The following KLHL22 variants were observed in gnomAD, a reference collection of about 807,000 sequenced individuals.
KLHL22 encodes kelch-like protein 22.
KLHL22 carries 18 observed loss-of-function variants against 60.7 expected under a neutral mutation model. That is an observed-to-expected ratio of 0.30 (90% CI 0.20 to 0.44). The LOEUF (loss-of-function observed/expected upper bound fraction) is 0.44, where lower values mean the gene tolerates loss of function less well. KLHL22 is among the 20% of genes least tolerant of loss of function. The pLI is 1.00. For synonymous variants in KLHL22, 355 were observed against 354.5 expected, an observed-to-expected ratio of 1.00 and a Z score of -0.01; for missense variants, 596 against 852.3, an observed-to-expected ratio of 0.70 and a Z score of 3.74.
chr22:20,450,784 C>T, intron 5 of KLHL22: 1 of 1,365,242 alleles, frequency 7.3e-7, no homozygotes, highest in Non-Finnish European at 1.0e-6. Context: ...ACAGTATATG[C>T]AGATGCCCCT....
At chr22:20,484,005 C>A (rs897025790) in intron 2 of KLHL22, 2 of 723,164 alleles carry the variant, frequency 2.8e-6, no homozygotes, top group African/African-American at 1.7e-5. Context: ...TGCATAGACG[C>A]TGGCCACGCT....
intron 6 of KLHL22, among the ~76,000 whole-genome samples, chr22:20,445,316 C>T (rs2052840918): frequency 6.6e-6 from 1 of 151,322 alleles, no homozygotes; most frequent in Admixed American, 6.6e-5. Context: ...CAGCGATTCT[C>T]CTGCCTCAGT....
At chr22:20,480,924 T>C (rs903321670) in intron 2 of KLHL22, among the ~76,000 whole-genome samples, 10 of 148,514 alleles carry the variant, frequency 6.7e-5, no homozygotes, top group African/African-American at 2.5e-4. Context: ...CTCCGCCTCC[T>C]GGGTTCACGC....
intron 3 of KLHL22, among the ~76,000 whole-genome samples, chr22:20,468,662 C>G (rs2053269387): frequency 6.6e-6 from 1 of 152,066 alleles, no homozygotes; most frequent in South Asian, 2.1e-4. Context: ...TGTGAAGAAG[C>G]CTGTTTTTTT....
chr22:20,494,695 T>C (rs1156426985), intron 1 of KLHL22, among the ~76,000 whole-genome samples: 1 of 152,082 alleles, frequency 6.6e-6, no homozygotes, highest in Non-Finnish European at 1.5e-5. Flanking sequence ...ATATCCCCAA[T>C]TTTAGTCATC....
chr22:20,468,785 G>A (rs778078495), intron 3 of KLHL22, among the ~76,000 whole-genome samples: 6 of 151,758 alleles, frequency 4.0e-5, no homozygotes, highest in Admixed American at 6.6e-5. Context: ...TCAGCCTCCC[G>A]AGTAGCTGGA....
intron 2 of KLHL22, chr22:20,483,558 A>G (rs900835937): frequency 9.7e-6 from 7 of 725,056 alleles, no homozygotes; most frequent in African/African-American, 3.5e-5. Context: ...TGCGAAGCCC[A>G]TGTATGTCGC....
chr22:20,489,300 C>T (rs763484395), intron 1 of KLHL22, 56 bp from the exon 2 acceptor site: 105 of 1,300,468 alleles, frequency 8.1e-5, no homozygotes, highest in Non-Finnish European at 1.1e-4. Context: ...AGCCCCACCA[C>T]ACACAGACTG....
At chr22:20,487,611 T>C (rs574534384) in intron 2 of KLHL22, among the ~76,000 whole-genome samples, 1 of 152,124 alleles carries the variant, frequency 6.6e-6, no homozygotes, top group African/African-American at 2.4e-5. Context: ...CCGCTCCCCT[T>C]CCCAATGGAA....
Position 20,495,712 on chromosome 22 carries a change from C to A in KLHL22, c.-34+48G>T. 1 of 151,732 alleles carries A rather than the reference C, an allele frequency of 6.6e-6. No homozygotes were observed. The highest frequency in any genetic ancestry group is 1.8e-4 in the South Asian group (1 of 5,504). 9.4% of individuals were successfully genotyped at this position (151,732 alleles called of 1,614,324 possible). ...GCGATGCCTGCTTGCCGCCCGACCC[C>A]CGCGTTCGCTGCCGCCCGGCCCGTT... On this transcript the variant is annotated intron_variant, in intron 1 of 6. Coordinates refer to ENST00000328879, the MANE Select transcript of KLHL22 (RefSeq NM_032775.4). This position sits in a 1 kb window ranked among gnomAD's most constrained non-coding sequence, Gnocchi z 4.6.
chr22:20,478,958 G>A (rs905963858), intron 2 of KLHL22, among the ~76,000 whole-genome samples: 12 of 151,470 alleles, frequency 7.9e-5, no homozygotes, highest in South Asian at 4.2e-4. Flanking sequence ...GTGAAACCCC[G>A]TCTCTAGTAA....
intron 5 of KLHL22, among the ~76,000 whole-genome samples, chr22:20,447,261 C>T (rs556605669): frequency 6.6e-6 from 1 of 152,350 alleles, no homozygotes; most frequent in African/African-American, 2.4e-5. Context: ...TCATGGGCAC[C>T]TCTTACCCTG....
At chr22:20,453,557 A>G (rs1008570660) in intron 5 of KLHL22, among the ~76,000 whole-genome samples, 2 of 152,120 alleles carry the variant, frequency 1.3e-5, no homozygotes, top group Non-Finnish European at 2.9e-5. Context: ...TACTGTAGCT[A>G]TGTAGTAATC....
At chr22:20,448,899 T>G (rs553524093) in intron 5 of KLHL22, among the ~76,000 whole-genome samples, 1 of 152,346 alleles carries the variant, frequency 6.6e-6, no homozygotes, top group African/African-American at 2.4e-5. Flanking sequence ...TTTATTTTAG[T>G]CATCCTGAGG....
At chr22:20,467,255 A>T (rs2053249798) in intron 3 of KLHL22, among the ~76,000 whole-genome samples, 1 of 152,166 alleles carries the variant, frequency 6.6e-6, no homozygotes, top group African/African-American at 2.4e-5. Flanking sequence ...CAAGGTTGTT[A>T]CCCAAAACAC....
In KLHL22 at chr22:20,489,198, T is replaced by C. The variant is rs751090214; in HGVS notation, c.14A>G (p.Gln5Arg). The C allele has an allele frequency of 3.7e-6, 6 of 1,614,040 alleles. No homozygotes were observed. Among genetic ancestry groups the C allele is most frequent in the Non-Finnish European group, 4.2e-6 (5 of 1,180,016 alleles). The stretch of plus-strand genomic sequence containing the variant: ...CAACTTGCAGAGCTGGGTGAACTCC[T>C]GCTCCTCTGCCATCCTGACAGCCAC... MAEEQEFTQLCKLPA... is the reference protein window; with the variant it reads MAEEREFTQLCKLPA... The change falls in exon 2 of 7, where the codon CAG becomes CGG. Residue 5 changes from glutamine (Q) to arginine (R), a missense_variant. Gln to Arg is a conservative substitution (Grantham distance 43). Transcript: ENST00000328879.
At chr22:20,446,410 T>C (rs750227108) in intron 6 of KLHL22, 33 bp downstream of exon 6, 1 of 1,181,258 alleles carries the variant, frequency 8.5e-7, no homozygotes, top group South Asian at 1.2e-5. Context: ...TTGGGAATGA[T>C]GACGGGTGTG....
rs2053757704 is a variant in KLHL22 at position 20,495,667 on chromosome 22, G to T, written c.-34+93C>A. The T allele has an allele frequency of 6.6e-6, 1 of 151,412 alleles. No homozygotes were observed. The highest frequency in any genetic ancestry group is 2.4e-5 in the African/African-American group (1 of 41,248). The allele number at this position is 151,412 out of a possible 1,614,324, so 9.4% of individuals were successfully genotyped here. ...CCCCGCGCCCCTCGGACTCCGCGCC[G>T]CTAGCTTGTCCCCGGCCCAGCGATG... is the stretch of plus-strand genomic sequence containing the variant. On this transcript the variant is annotated intron_variant, in intron 1 of 6. Coordinates refer to ENST00000328879, the MANE Select transcript of KLHL22 (RefSeq NM_032775.4). The surrounding 1 kb of genome is among the most constrained non-coding windows in gnomAD (Gnocchi z 4.6).
chr22:20,476,234 C>T (rs1206353662), intron 2 of KLHL22, among the ~76,000 whole-genome samples: 1 of 152,092 alleles, frequency 6.6e-6, no homozygotes, highest in African/African-American at 2.4e-5. Flanking sequence ...TTCCCATGCT[C>T]TTTACAGTGG....
Sources: gnomAD v4.1 joint callset for allele counts (sites outside exome capture counted in the v4.1 genomes callset) on GRCh38, gnomAD v4.1.1 for gene constraint, Gnocchi (gnomAD v3.1) non-coding constraint, MANE v1.5 for transcripts, NCBI Gene and HGNC (gene_info 2026-07-23, HGNC 2026-07-21) for gene names.